Variants in RNASE4 observed in about 807,000 individuals in gnomAD.
RNASE4 encodes ribonuclease A family member 4.
For missense variants in RNASE4, 194 were observed against 192.8 expected, an observed-to-expected ratio of 1.01 and a Z score of -0.04; for synonymous variants, 93 against 71.4, an observed-to-expected ratio of 1.30 and a Z score of -1.52.
intron 1 of RNASE4, chr14:20,693,936 C>T: frequency 6.2e-7 from 1 of 1,614,116 alleles, no homozygotes; most frequent in African/African-American, 1.3e-5. Context: ...CAGCGGGGTT[C>T]AGAAACGTTG....
At chr14:20,693,155 G>C (rs535681451) in intron 1 of RNASE4, among the ~76,000 whole-genome samples, 1 of 152,284 alleles carries the variant, frequency 6.6e-6, no homozygotes, top group African/African-American at 2.4e-5. Context: ...CCGTCATTTG[G>C]TATGTCTTAA....
chr14:20,693,209 C>T (rs1886890703), intron 1 of RNASE4, among the ~76,000 whole-genome samples: 1 of 152,138 alleles, frequency 6.6e-6, no homozygotes, highest in South Asian at 2.1e-4. Context: ...CAGTAGAGAC[C>T]TATGTAATGT....
At position 20,697,435 on chromosome 14, in the gene RNASE4, A is replaced by G. The variant is rs1236313078; in HGVS notation, c.-17-1920A>G. On this transcript the variant is annotated intron_variant, in intron 1 of 1. Coordinates refer to ENST00000555835, the MANE Select transcript of RNASE4 (RefSeq NM_002937.5). ...CTCTTTACTTCCCTCTCTTCCTAAC[A>G]CTGTATCTCACATCTACAGCTGCAG... is the stretch of plus-strand genomic sequence containing the variant. Among the ~76,000 whole-genome samples, 11 of 152,198 alleles carry G rather than the reference A, an allele frequency of 7.2e-5. No individual in the cohort carries two copies. In the East Asian group the frequency reaches 2.1e-3, roughly 29 times the overall value.
chr14:20,699,899 C>A lies in RNASE4; in HGVS notation c.*84C>A. The A allele has an allele frequency of 8.7e-7, 1 of 1,152,290 alleles. No individual in the cohort carries two copies. Among genetic ancestry groups the A allele is most frequent in the South Asian group, 1.4e-5 (1 of 72,080 alleles). The allele number at this position is 1,152,290 out of a possible 1,614,324, so 71.4% of individuals were successfully genotyped here. ...AGTGAGTAATGCATTTGAGCTGTCC[C>A]AGGCTCTGTCTCCTCAGCTCATTTC... On this transcript the variant is annotated 3_prime_UTR_variant, in exon 2 of 2. Coordinates refer to ENST00000555835, the MANE Select transcript of RNASE4 (RefSeq NM_002937.5).
chr14:20,693,843 A>T, intron 1 of RNASE4: 1 of 1,614,206 alleles, frequency 6.2e-7, no homozygotes, highest in Non-Finnish European at 8.5e-7. Context: ...GAGAAAACCT[A>T]AGAATAAGCA....
intron 1 of RNASE4, chr14:20,694,227 C>A: frequency 1.6e-6 from 1 of 627,738 alleles, no homozygotes; most frequent in Non-Finnish European, 2.9e-6. Context: ...TGATCTTTCC[C>A]CCATTTTCTC....
At chr14:20,696,859 T>C (rs1213690876) in intron 1 of RNASE4, among the ~76,000 whole-genome samples, 5 of 152,222 alleles carry the variant, frequency 3.3e-5, no homozygotes, top group African/African-American at 1.2e-4. Context: ...CATGCTCATT[T>C]TGCTTATGAG....
chr14:20,696,235 G>A (rs892252493), intron 1 of RNASE4, among the ~76,000 whole-genome samples: 10 of 152,148 alleles, frequency 6.6e-5, no homozygotes, highest in Non-Finnish European at 7.4e-5. Context: ...CAGGGAAATC[G>A]CTGTTTCATA....
chr14:20,695,721 G>A (rs1310140190), intron 1 of RNASE4, among the ~76,000 whole-genome samples: 1 of 152,242 alleles, frequency 6.6e-6, no homozygotes, highest in African/African-American at 2.4e-5. Flanking sequence ...TGGGCCAAAA[G>A]CCGTGGCTCC....
Position 20,699,893 on chromosome 14 carries a change from C to A in RNASE4, c.*78C>A. 1 of 1,265,064 alleles carries A rather than the reference C, an allele frequency of 7.9e-7. No individual in the cohort carries two copies. Among genetic ancestry groups the A allele is most frequent in the Non-Finnish European group, 1.1e-6 (1 of 883,574 alleles). 78.4% of individuals were successfully genotyped at this position (1,265,064 alleles called of 1,614,324 possible). On this transcript the variant is annotated 3_prime_UTR_variant, in exon 2 of 2. Transcript: ENST00000555835. ...AATAGCAGTGAGTAATGCATTTGAGCTGTCCCAGGCTCTGTCTCCTCAGCT... is the reference window on the plus strand; with the variant it reads ...AATAGCAGTGAGTAATGCATTTGAGATGTCCCAGGCTCTGTCTCCTCAGCT...
chr14:20,689,440 G>C (rs1886591955), intron 1 of RNASE4, among the ~76,000 whole-genome samples: 1 of 152,194 alleles, frequency 6.6e-6, no homozygotes, highest in Admixed American at 6.5e-5. Context: ...ATGTATAAAA[G>C]TGTGAAGCCA....
At chr14:20,697,245 A>C (rs1378339829) in intron 1 of RNASE4, among the ~76,000 whole-genome samples, 1 of 152,236 alleles carries the variant, frequency 6.6e-6, no homozygotes, top group Non-Finnish European at 1.5e-5. Flanking sequence ...TCAGGATGAG[A>C]GAAAGTAGAT....
Position 20,694,124 on chromosome 14 carries a change from G to A in RNASE4, c.-17-5231G>A, listed in dbSNP as rs1886983638. ...AAGGGCCCAAAGAAAGAGCTACCTG[G>A]ACCTTTTGTTTTCTGTTTGACAACA... On this transcript the variant is annotated intron_variant, in intron 1 of 1. Transcript: ENST00000555835. 1.3e-5 allele frequency: 15 copies of A among 1,147,738 alleles called. No individual in the cohort carries two copies. The South Asian group carries it at 1.8e-4, about 14-fold the overall frequency. 71.1% of individuals were successfully genotyped at this position (1,147,738 alleles called of 1,614,324 possible). A position where few individuals can be genotyped will look rare whatever the true frequency, so the allele number is the denominator to read the frequency against.
At chr14:20,699,240 T>C (rs1476779848) in intron 1 of RNASE4, 115 bp from the exon 2 acceptor site, 2 of 825,882 alleles carry the variant, frequency 2.4e-6, no homozygotes, top group African/African-American at 1.7e-5. Flanking sequence ...ATGGTGCATA[T>C]AAGAAGGAGG....
At chr14:20,688,621 C>A in intron 1 of RNASE4, 1 of 865,516 alleles carries the variant, frequency 1.2e-6, no homozygotes, top group Non-Finnish European at 1.4e-6. Context: ...CTAATCCATT[C>A]AGGTGGGTTA....
chr14:20,689,006 GT>G (rs1886558730), intron 1 of RNASE4: 1 of 364,336 alleles, frequency 2.7e-6, no homozygotes, highest in Admixed American at 6.4e-5. Flanking sequence ...AGATTCTAAA[GT>G]TTAAAATGAA....
At chr14:20,689,928 A>C (rs1403627939) in intron 1 of RNASE4, among the ~76,000 whole-genome samples, 1 of 151,046 alleles carries the variant, frequency 6.6e-6, no homozygotes, top group African/African-American at 2.4e-5. Flanking sequence ...AAAAAAAAAA[A>C]AAACAGGCCG....
In RNASE4 at chr14:20,700,544, T is replaced by C. The variant is rs975343619; in HGVS notation, c.*729T>C. On this transcript the variant is annotated 3_prime_UTR_variant, in exon 2 of 2. Coordinates refer to ENST00000555835, the MANE Select transcript of RNASE4 (RefSeq NM_002937.5). ...ATTAAGACTTATGTGCTCTTACTGA[T>C]TGAAAGATTTTTTATGTTTTCCTTG... The C allele has an allele frequency of 3.0e-5, 5 of 166,776 alleles. No homozygotes were observed. The highest frequency in any genetic ancestry group is 9.7e-5 in the African/African-American group (4 of 41,134). The allele number at this position is 166,776 out of a possible 1,614,324, so 10.3% of individuals were successfully genotyped here. A position where few individuals can be genotyped will look rare whatever the true frequency, so the allele number is the denominator to read the frequency against.
intron 1 of RNASE4, among the ~76,000 whole-genome samples, chr14:20,698,682 C>A (rs1269991092): frequency 6.6e-6 from 1 of 151,682 alleles, no homozygotes; most frequent in Admixed American, 6.6e-5. Flanking sequence ...TAGAATAATA[C>A]ATTTTAAATT....
Sources: gnomAD v4.1 joint callset for allele counts (sites outside exome capture counted in the v4.1 genomes callset) on GRCh38, gnomAD v4.1.1 for gene constraint, MANE v1.5 for transcripts, NCBI Gene and HGNC (gene_info 2026-07-23, HGNC 2026-07-21) for gene names.